MBP: variants seen among roughly 807,000 people sequenced by gnomAD.
The protein encoded by MBP is myelin basic protein.
In MBP, 16 loss-of-function variants were observed where a neutral mutation model predicts 35.8. The ratio of observed to expected loss-of-function variants is 0.45; its 90% CI spans 0.30 to 0.68. MBP has a LOEUF of 0.68. MBP is among the 30% of genes least tolerant of loss of function. The pLI is 0.08. For missense variants in MBP, 380 were observed against 404.7 expected (o/e 0.94, Z 0.52); for synonymous variants, 143 against 159.6 (o/e 0.90, Z 0.78).
chr18:77,010,178 G>C (rs1267192267), intron 4 of MBP: 1 of 532,594 alleles, frequency 1.9e-6, no homozygotes, highest in East Asian at 3.2e-5. Context: ...TCAGGAAATC[G>C]AGAGCAAAAG....
chr18:76,985,152 C>G, intron 7 of MBP: 1 of 1,526,198 alleles, frequency 6.6e-7, no homozygotes, highest in Non-Finnish European at 8.8e-7. Flanking sequence ...AGATATGCGG[C>G]CCAACCACAC....
chr18:77,064,395 G>T (rs1422677690), intron 3 of MBP, among the ~76,000 whole-genome samples: 1 of 152,314 alleles, frequency 6.6e-6, no homozygotes, highest in South Asian at 2.1e-4. Context: ...GCTCAGACAT[G>T]CCTCCAAGAA....
chr18:77,102,996 CT>C lies in MBP; in HGVS notation c.51+2214del, dbSNP rs34945822. On this transcript the variant is annotated intron_variant, in intron 2 of 8. Coordinates refer to ENST00000355994, the MANE Select transcript of MBP (RefSeq NM_001025101.2). The surrounding 1 kb of genome is among the most constrained non-coding windows in gnomAD (Gnocchi z 4.4). ...GGGCTGAACAAAATAATGAGTCACC[CT>C]CCCATTCAACATTGACTAGAACCAT... Among the ~76,000 whole-genome samples the C allele has an allele frequency of 0.31, 46,787 of 152,080 alleles. 8,602 individuals carry two copies. The highest frequency in any genetic ancestry group is 0.41 in the Non-Finnish European group (28,152 of 67,950).
intron 2 of MBP, among the ~76,000 whole-genome samples, chr18:77,081,784 A>ACG (rs1568329863): frequency 2.0e-5 from 3 of 149,562 alleles, no homozygotes; most frequent in Admixed American, 6.7e-5. Flanking sequence ...ACACACACAC[A>ACG]CACACACACG....
In MBP at chr18:76,988,530, G is replaced by A. The variant is rs111433575; in HGVS notation, c.718-3C>T. ...CTGCTCAGGGACAGTCCTCTCCCCT[G>A]CATGAGGAAGACAGAGAAATAATGA... is the stretch of plus-strand genomic sequence containing the variant. On this transcript the variant is annotated splice_polypyrimidine_tract_variant and splice_region_variant and intron_variant, in intron 6 of 8. Coordinates refer to ENST00000355994, the MANE Select transcript of MBP (RefSeq NM_001025101.2). This position sits in a 1 kb window ranked among gnomAD's most constrained non-coding sequence, Gnocchi z 5.2. 3 of 1,611,016 alleles carry A rather than the reference G, an allele frequency of 1.9e-6. No homozygotes were observed. Among genetic ancestry groups the A allele is most frequent in the Non-Finnish European group, 2.5e-6 (3 of 1,177,734 alleles).
chr18:77,064,033 G>A (rs549757163), intron 3 of MBP, among the ~76,000 whole-genome samples: 1 of 152,128 alleles, frequency 6.6e-6, no homozygotes, highest in Admixed American at 6.5e-5. Flanking sequence ...AAAACAGTAG[G>A]CTTAGCCAAA....
chr18:77,069,037 G>T (rs779435734), intron 2 of MBP: 4 of 479,826 alleles, frequency 8.3e-6, no homozygotes, highest in East Asian at 1.2e-4. Context: ...GACTTCTGCG[G>T]ATTTTCCTGT....
At chr18:77,031,891 GC>G (rs1972555933) in intron 3 of MBP, among the ~76,000 whole-genome samples, 2 of 152,232 alleles carry the variant, frequency 1.3e-5, no homozygotes, top group African/African-American at 4.8e-5. Context: ...GGGAGCCAGG[GC>G]TTTTGTCGAG....
At chr18:77,106,738 G>A (rs1365537168) in intron 1 of MBP, among the ~76,000 whole-genome samples, 1 of 152,156 alleles carries the variant, frequency 6.6e-6, no homozygotes, top group Non-Finnish European at 1.5e-5. Flanking sequence ...CATGCTTCAT[G>A]GCATGAGAGT....
chr18:77,012,867 T>G, intron 4 of MBP: 1 of 985,280 alleles, frequency 1.0e-6, no homozygotes, highest in Non-Finnish European at 1.2e-6. Flanking sequence ...ATAATAAAAT[T>G]AAATCATGAT....
chr18:77,034,190 G>A (rs1475151235), intron 3 of MBP, among the ~76,000 whole-genome samples: 1 of 152,026 alleles, frequency 6.6e-6, no homozygotes, highest in Admixed American at 6.6e-5. Flanking sequence ...GAAGCGCCAG[G>A]GATGCCTTGA....
At chr18:77,100,539 G>T (rs35568206) in intron 2 of MBP, among the ~76,000 whole-genome samples, 2 of 64,202 alleles carry the variant, frequency 3.1e-5, no homozygotes, top group Non-Finnish European at 4.1e-5. Flanking sequence ...GTGTGTGTGT[G>T]TGTGTGTTTT....
intron 7 of MBP, chr18:76,987,220 C>A: frequency 2.0e-6 from 2 of 985,418 alleles, no homozygotes; most frequent in Non-Finnish European, 1.2e-6. Flanking sequence ...GCAGATAAAG[C>A]AGTAGCTAAA....
At chr18:77,008,352 C>T (rs1971118737) in intron 4 of MBP, among the ~76,000 whole-genome samples, 1 of 152,142 alleles carries the variant, frequency 6.6e-6, no homozygotes. Flanking sequence ...AGAGAAGAGG[C>T]CTCCCAGAAG....
intron 4 of MBP, 35 bp downstream of exon 4, chr18:77,016,797 T>G (rs1971667676): frequency 6.2e-7 from 1 of 1,606,272 alleles, no homozygotes; most frequent in Admixed American, 1.7e-5. Flanking sequence ...GCTTTTTCCA[T>G]TTAAACTAAA....
intron 4 of MBP, among the ~76,000 whole-genome samples, chr18:77,008,648 A>T (rs1434911003): frequency 6.6e-6 from 1 of 152,084 alleles, no homozygotes; most frequent in Non-Finnish European, 1.5e-5. Flanking sequence ...CGGCTCCCCC[A>T]GGGCCCTTCT....
chr18:76,996,690 CAG>C (rs1970288205), intron 4 of MBP, among the ~76,000 whole-genome samples: 1 of 150,962 alleles, frequency 6.6e-6, no homozygotes, highest in Admixed American at 6.6e-5. Flanking sequence ...TGGGGGAGGT[CAG>C]AGCTGGGGGG....
At chr18:77,072,814 T>C (rs1168888890) in intron 2 of MBP, among the ~76,000 whole-genome samples, 5 of 152,116 alleles carry the variant, frequency 3.3e-5, no homozygotes, top group African/African-American at 4.8e-5. Flanking sequence ...CACCTCAGTA[T>C]CCCCAGGAGG....
chr18:76,985,549 C>G, intron 7 of MBP: 1 of 1,123,050 alleles, frequency 8.9e-7, no homozygotes, highest in Non-Finnish European at 1.1e-6. Flanking sequence ...CTCCCTTGGC[C>G]ATAGCTCGGA....
Sources: allele counts gnomAD v4.1 joint callset (sites outside exome capture counted in the v4.1 genomes callset), GRCh38; gene constraint gnomAD v4.1.1; non-coding constraint Gnocchi (gnomAD v3.1); transcripts MANE v1.5; gene names NCBI Gene and HGNC (gene_info 2026-07-23, HGNC 2026-07-21).